LUZP2: variants seen among roughly 807,000 people sequenced by gnomAD.
The protein encoded by LUZP2 is leucine zipper protein 2.
LUZP2 carries 52 observed loss-of-function variants against 51.6 expected under a neutral mutation model. That is an observed-to-expected ratio of 1.01 (90% CI 0.81 to 1.27). LUZP2 has a LOEUF of 1.27. Among genes scored for constraint, LUZP2 ranks in the 50% most tolerant of loss-of-function variants. The probability of loss-of-function intolerance (pLI) is 0.00; values close to 1 mark genes in which losing one functional copy is unlikely to be tolerated. For missense variants in LUZP2, 436 were observed against 395.4 expected, an observed-to-expected ratio of 1.10 and a Z score of -0.87; for synonymous variants, 154 against 137.3, an observed-to-expected ratio of 1.12 and a Z score of -0.85.
intron 1 of LUZP2, among the ~76,000 whole-genome samples, chr11:24,671,453 A>G (rs1194319166): frequency 2.0e-5 from 3 of 152,054 alleles, no homozygotes; most frequent in Non-Finnish European, 4.4e-5. Context: ...ATTTTAAAAT[A>G]GTTGTTATTC....
Position 24,945,487 on chromosome 11 carries a change from G to A in LUZP2, c.522+30949G>A, listed in dbSNP as rs924777699. On this transcript the variant is annotated intron_variant, in intron 7 of 11. Coordinates refer to ENST00000336930, the MANE Select transcript of LUZP2 (RefSeq NM_001009909.4). The stretch of plus-strand genomic sequence containing the variant: ...GCTGTATTCCACACTATCAAAAGAA[G>A]GGTTGTCTGTTTAAATTTCAAATTT... Among the ~76,000 whole-genome samples the A allele has an allele frequency of 5.3e-5, 8 of 150,928 alleles. No homozygotes were observed. In the South Asian group the frequency reaches 1.7e-3, roughly 32 times the overall value.
chr11:24,855,827 T>C (rs34700279), intron 5 of LUZP2, among the ~76,000 whole-genome samples: 38 of 152,124 alleles, frequency 2.5e-4, no homozygotes, highest in Non-Finnish European at 3.8e-4. Flanking sequence ...CAAACTAATG[T>C]TTGACAAAGT....
intron 1 of LUZP2, among the ~76,000 whole-genome samples, chr11:24,684,473 G>A (rs961063711): frequency 1.3e-5 from 2 of 152,116 alleles, no homozygotes; most frequent in Non-Finnish European, 2.9e-5. Context: ...TGGTTTCTTA[G>A]GACTAATCCA....
intron 1 of LUZP2, among the ~76,000 whole-genome samples, chr11:24,553,958 G>C (rs533068458): frequency 1.8e-3 from 276 of 152,214 alleles, no homozygotes; most frequent in African/African-American, 6.4e-3. Flanking sequence ...AAAGTTCCGC[G>C]AAAGAATGCC....
intron 7 of LUZP2, among the ~76,000 whole-genome samples, chr11:24,939,212 C>G (rs1354168200): frequency 6.6e-6 from 1 of 152,050 alleles, no homozygotes; most frequent in African/African-American, 2.4e-5. Context: ...AGTGTACGGA[C>G]TTCTAAAAAA....
intron 1 of LUZP2, among the ~76,000 whole-genome samples, chr11:24,676,842 T>G (rs1856571386): frequency 6.6e-6 from 1 of 152,064 alleles, no homozygotes; most frequent in Non-Finnish European, 1.5e-5. Flanking sequence ...GTTTTTTATA[T>G]TTTTAGTAGA....
rs760557126 is a variant in LUZP2, at chr11:24,602,285, C to CAT, written c.62+104987_62+104988dup. Among the ~76,000 whole-genome samples the CAT allele has an allele frequency of 7.0e-3, 696 of 100,120 alleles. 11 individuals are homozygous for CAT. Among genetic ancestry groups the CAT allele is most frequent in the Non-Finnish European group, 0.012 (558 of 47,444 alleles). 65.7% of individuals were successfully genotyped at this position (100,120 alleles called of 152,430 possible). The stretch of plus-strand genomic sequence containing the variant: ...ATATATGTACATACATATATACACA[C>CAT]ATATATATGTACATACATATATACA... On this transcript the variant is annotated intron_variant, in intron 1 of 11. Coordinates refer to ENST00000336930, the MANE Select transcript of LUZP2 (RefSeq NM_001009909.4).
At chr11:24,561,806 G>C (rs1852049118) in intron 1 of LUZP2, among the ~76,000 whole-genome samples, 1 of 92,266 alleles carries the variant, frequency 1.1e-5, no homozygotes, top group African/African-American at 5.3e-5. Flanking sequence ...ATGCACCCCA[G>C]AACTTAAAGT....
At chr11:24,647,040 G>T (rs182086408) in intron 1 of LUZP2, among the ~76,000 whole-genome samples, 2 of 151,956 alleles carry the variant, frequency 1.3e-5, no homozygotes, top group Admixed American at 6.6e-5. Flanking sequence ...GTTGGGATTT[G>T]CATGAGTCTT....
intron 5 of LUZP2, among the ~76,000 whole-genome samples, chr11:24,783,333 A>G (rs1199092502): frequency 2.0e-5 from 3 of 151,952 alleles, no homozygotes; most frequent in African/African-American, 4.8e-5. Context: ...GGGGCTTTCA[A>G]TATAATTACA....
At chr11:25,074,191 A>G (rs1310719642) in intron 10 of LUZP2, among the ~76,000 whole-genome samples, 1 of 152,176 alleles carries the variant, frequency 6.6e-6, no homozygotes, top group Non-Finnish European at 1.5e-5. Flanking sequence ...CTCTATTAGA[A>G]ACCCACCCTT....
chr11:24,786,999 A>G (rs1282083949), intron 5 of LUZP2, among the ~76,000 whole-genome samples: 1 of 152,148 alleles, frequency 6.6e-6, no homozygotes, highest in Non-Finnish European at 1.5e-5. Flanking sequence ...CCAGTTATCA[A>G]TTCAATTGAG....
chr11:24,844,751 C>G (rs2134207547), intron 5 of LUZP2, among the ~76,000 whole-genome samples: 1 of 152,268 alleles, frequency 6.6e-6, no homozygotes, highest in South Asian at 2.1e-4. Flanking sequence ...CCAGTCATGG[C>G]TGAAAGAGGC....
intron 7 of LUZP2, among the ~76,000 whole-genome samples, chr11:24,952,930 G>C (rs553871603): frequency 6.6e-6 from 1 of 151,684 alleles, no homozygotes; most frequent in Non-Finnish European, 1.5e-5. Flanking sequence ...CATTTCTAGG[G>C]TTTCAATATT....
At chr11:24,777,810 A>AT (rs987176011) in intron 5 of LUZP2, among the ~76,000 whole-genome samples, 4 of 151,286 alleles carry the variant, frequency 2.6e-5, no homozygotes, top group East Asian at 1.9e-4. Flanking sequence ...TGTGGTTTTT[A>AT]TTTTTTTTGG....
intron 5 of LUZP2, among the ~76,000 whole-genome samples, chr11:24,775,668 A>G (rs1590502802): frequency 6.6e-6 from 1 of 152,262 alleles, no homozygotes; most frequent in East Asian, 1.9e-4. Context: ...AATGTTGGCT[A>G]GGATAACACC....
Position 24,738,220 on chromosome 11 carries a change from G to T in LUZP2, c.252-1G>T. On this transcript the variant is annotated splice_acceptor_variant, in intron 3 of 11. Coordinates refer to ENST00000336930, the MANE Select transcript of LUZP2 (RefSeq NM_001009909.4). LOFTEE classifies it high-confidence loss of function. ...TTATGCTCTGTTTTCTACTAAAATA[G>T]AGAAGAAATGAAGTCTCTTCAGGAG... 6.3e-7 allele frequency: 1 copy of T among 1,595,490 alleles called. No individual in the cohort carries two copies. The highest frequency in any genetic ancestry group is 1.1e-5 in the South Asian group (1 of 89,768).
intron 1 of LUZP2, among the ~76,000 whole-genome samples, chr11:24,661,656 A>G (rs949430147): frequency 6.6e-6 from 1 of 152,138 alleles, no homozygotes; most frequent in Non-Finnish European, 1.5e-5. Flanking sequence ...TGTATTCTAG[A>G]TATTCTGTTT....
intron 1 of LUZP2, among the ~76,000 whole-genome samples, chr11:24,703,860 AC>A (rs1274811865): frequency 1.7e-4 from 8 of 45,798 alleles, no homozygotes; most frequent in Admixed American, 4.0e-4. Context: ...AACAAAAAAA[AC>A]GAACAAAAAA....
Sources: allele counts gnomAD v4.1 joint callset (sites outside exome capture counted in the v4.1 genomes callset), GRCh38; gene constraint gnomAD v4.1.1; transcripts MANE v1.5; gene names NCBI Gene and HGNC (gene_info 2026-07-23, HGNC 2026-07-21).